The following SLC22A15 variants were observed in gnomAD, a reference collection of about 807,000 sequenced individuals.
The protein encoded by SLC22A15 is flipt 1.
In SLC22A15, 45 loss-of-function variants were observed where a neutral mutation model predicts 62.7. That is an observed-to-expected ratio of 0.72 (90% CI 0.56 to 0.92). The LOEUF (loss-of-function observed/expected upper bound fraction) is 0.92. Ranked by LOEUF, SLC22A15 falls within the 40% of genes least tolerant of loss-of-function variation. SLC22A15 has a pLI of 0.00. For synonymous variants in SLC22A15, 264 were observed against 267.0 expected (o/e 0.99, Z 0.11); for missense variants, 622 against 665.6 (o/e 0.93, Z 0.72).
At chr1:115,996,959 G>A (rs1276370552) in intron 2 of SLC22A15, among the ~76,000 whole-genome samples, 1 of 151,164 alleles carries the variant, frequency 6.6e-6, no homozygotes, top group East Asian at 1.9e-4. Flanking sequence ...CAATCTGTAT[G>A]CCTTTTGTTT....
chr1:116,032,548 A>G (rs1657458417), intron 6 of SLC22A15: 7 of 985,432 alleles, frequency 7.1e-6, no homozygotes, highest in Non-Finnish European at 8.4e-6. Context: ...GAAGCTGCAA[A>G]GATATTTTTC....
intron 2 of SLC22A15, among the ~76,000 whole-genome samples, chr1:115,994,096 G>A (rs1655298437): frequency 6.6e-6 from 1 of 152,036 alleles, no homozygotes; most frequent in Non-Finnish European, 1.5e-5. Context: ...GTTGTTTGTG[G>A]TTCAGCTCTA....
At chr1:115,990,705 GA>G (rs1006030714) in intron 1 of SLC22A15, among the ~76,000 whole-genome samples, 1 of 152,128 alleles carries the variant, frequency 6.6e-6, no homozygotes, top group Non-Finnish European at 1.5e-5. Context: ...AGTAGATTGA[GA>G]ATGCCTTAGA....
At chr1:116,019,093 T>A (rs1340371216) in intron 2 of SLC22A15, among the ~76,000 whole-genome samples, 1 of 152,230 alleles carries the variant, frequency 6.6e-6, no homozygotes, top group Admixed American at 6.5e-5. Context: ...TGCCTGGAAA[T>A]GGAATTGCCA....
chr1:116,040,414 T>C (rs1299335541), intron 8 of SLC22A15, among the ~76,000 whole-genome samples: 1 of 152,238 alleles, frequency 6.6e-6, no homozygotes, highest in African/African-American at 2.4e-5. Context: ...TATTAAGTGT[T>C]AATCAAGTGC....
chr1:115,999,189 C>T (rs1655583219), intron 2 of SLC22A15, among the ~76,000 whole-genome samples: 1 of 152,080 alleles, frequency 6.6e-6, no homozygotes, highest in African/African-American at 2.4e-5. Context: ...TGTTTTGTGG[C>T]TAACATGTGG....
intron 2 of SLC22A15, among the ~76,000 whole-genome samples, chr1:116,016,269 G>A (rs1265853154): frequency 6.7e-6 from 1 of 149,906 alleles, no homozygotes; most frequent in Non-Finnish European, 1.5e-5. Context: ...GCACTCTGTA[G>A]CCCCAACCTC....
intron 4 of SLC22A15, 124 bp from the exon 5 acceptor site, chr1:116,026,753 TTCTTTTCTGGTGTGCC>T (rs1657112867): frequency 1.1e-6 from 1 of 899,966 alleles, no homozygotes; most frequent in East Asian, 2.6e-5. Flanking sequence ...AGATTTTTTT[TTCTTTTCTGGTGTGCC>T]TCTTATAGTT....
chr1:116,046,744 G>A (rs11801970), intron 8 of SLC22A15, among the ~76,000 whole-genome samples: 15,306 of 152,198 alleles, frequency 0.1, 926 homozygotes, highest in African/African-American at 0.16. Flanking sequence ...TCGGAAGTGG[G>A]AAAGGGAGAT....
chr1:116,048,322 A>G (rs1428785473), intron 8 of SLC22A15, among the ~76,000 whole-genome samples: 2 of 152,214 alleles, frequency 1.3e-5, no homozygotes, highest in African/African-American at 2.4e-5. Context: ...AATCTTAAGA[A>G]ACTGTGAGAC....
intron 4 of SLC22A15, among the ~76,000 whole-genome samples, chr1:116,024,999 CT>C (rs537278399): frequency 2.0e-4 from 29 of 147,358 alleles, no homozygotes; most frequent in South Asian, 1.3e-3. Context: ...TTTCAGATGG[CT>C]TTTTTTTTTG....
chr1:116,052,657 C>T (rs563283028), intron 8 of SLC22A15, among the ~76,000 whole-genome samples: 1 of 152,330 alleles, frequency 6.6e-6, no homozygotes, highest in East Asian at 1.9e-4. Flanking sequence ...AGGCACCTCC[C>T]AGTGGGGGCA....
chr1:116,017,219 C>T (rs1656580152), intron 2 of SLC22A15, among the ~76,000 whole-genome samples: 1 of 151,758 alleles, frequency 6.6e-6, no homozygotes, highest in Non-Finnish European at 1.5e-5. Flanking sequence ...AGAATCCTCC[C>T]CTGAACCACG....
At chr1:116,044,532 C>T (rs1009675702) in intron 8 of SLC22A15, among the ~76,000 whole-genome samples, 3 of 152,060 alleles carry the variant, frequency 2.0e-5, no homozygotes, top group Non-Finnish European at 4.4e-5. Flanking sequence ...ACAAAAAGTA[C>T]TAGTGAATAT....
chr1:116,031,621 G>T lies in SLC22A15; in HGVS notation c.944+40G>T, dbSNP rs1183885967. The T allele has an allele frequency of 3.1e-6, 5 of 1,605,992 alleles. No individual in the cohort carries two copies. The African/African-American group carries it at 5.4e-5, about 17-fold the overall frequency. ...GCGTGTTCTGTTGCTCTTTAACTAA[G>T]GTTGCTCGAGCTTCTCTTGATATCC... On this transcript the variant is annotated intron_variant, in intron 6 of 11. Transcript: ENST00000369503.
At chr1:116,062,923 C>A in intron 9 of SLC22A15, 41 bp downstream of exon 9, 1 of 1,605,174 alleles carries the variant, frequency 6.2e-7, no homozygotes, top group Non-Finnish European at 8.5e-7. Flanking sequence ...ACATTCTACA[C>A]TTTGTCATCC....
At chr1:116,002,159 G>T (rs555480717) in intron 2 of SLC22A15, among the ~76,000 whole-genome samples, 1 of 152,324 alleles carries the variant, frequency 6.6e-6, no homozygotes, top group Middle Eastern at 3.4e-3. Context: ...ACCAGGCAGA[G>T]CCTCTTGTTC....
intron 2 of SLC22A15, among the ~76,000 whole-genome samples, chr1:116,009,162 A>G (rs1256230644): frequency 6.6e-6 from 1 of 152,148 alleles, no homozygotes; most frequent in Non-Finnish European, 1.5e-5. Flanking sequence ...AACATTCACT[A>G]TGTCTCTCCT....
At chr1:116,019,823 T>C (rs1656729072) in intron 3 of SLC22A15, 109 bp downstream of exon 3, 1 of 1,212,664 alleles carries the variant, frequency 8.2e-7, no homozygotes, top group African/African-American at 1.5e-5. Flanking sequence ...AATTGGCATA[T>C]GGACACAGAA....
Sources: allele counts gnomAD v4.1 joint callset (sites outside exome capture counted in the v4.1 genomes callset), GRCh38; gene constraint gnomAD v4.1.1; transcripts MANE v1.5; gene names NCBI Gene and HGNC (gene_info 2026-07-23, HGNC 2026-07-21).